AP4S1: variants seen among roughly 807,000 people sequenced by gnomAD.
The protein encoded by AP4S1 is adaptor related protein complex 4 subunit sigma 1, also known as AP-4 complex subunit sigma-1.
In AP4S1, 23 loss-of-function variants were observed where a neutral mutation model predicts 19.8. The ratio of observed to expected loss-of-function variants is 1.16; its 90% CI spans 0.84 to 1.65. The LOEUF (loss-of-function observed/expected upper bound fraction) is 1.65, where lower values mean the gene tolerates loss of function less well. AP4S1 is among the 40% of genes most tolerant of loss of function. The pLI is 0.00. For missense variants in AP4S1, 166 were observed against 172.8 expected, an observed-to-expected ratio of 0.96 and a Z score of 0.22; for synonymous variants, 46 against 54.1, an observed-to-expected ratio of 0.85 and a Z score of 0.66.
At chr14:31,032,626 C>T (rs890573077) in intron 1 of AP4S1, among the ~76,000 whole-genome samples, 1 of 151,394 alleles carries the variant, frequency 6.6e-6, no homozygotes, top group African/African-American at 2.4e-5. Context: ...TGGGTTCAAG[C>T]GATTCTCCTG....
chr14:31,066,954 G>A (rs994914694), intron 2 of AP4S1, among the ~76,000 whole-genome samples: 2 of 152,180 alleles, frequency 1.3e-5, no homozygotes, highest in African/African-American at 2.4e-5. Flanking sequence ...GGAGGTTAAG[G>A]CTGGGTGCAA....
rs1200207623 is a variant in AP4S1 at position 31,058,123 on chromosome 14, G to T, written c.-71-8003G>T. Reference sequence around the variant, plus strand: ...GTTTGTTTTTTGTTGTAGAGGCATGGTCTCCTATATTGCCTAAGCTGGTCT... The same window carrying T: ...GTTTGTTTTTTGTTGTAGAGGCATGTTCTCCTATATTGCCTAAGCTGGTCT... On this transcript the variant is annotated intron_variant, in intron 1 of 5. Coordinates refer to ENST00000542754, the MANE Select transcript of AP4S1 (RefSeq NM_001128126.3). Among the ~76,000 whole-genome samples, 4 of 151,910 alleles carry T rather than the reference G, an allele frequency of 2.6e-5. No individual in the cohort carries two copies. The East Asian group carries it at 7.8e-4, about 29-fold the overall frequency.
intron 5 of AP4S1, among the ~76,000 whole-genome samples, chr14:31,080,955 C>G (rs1357016993): frequency 2.6e-5 from 4 of 152,188 alleles, no homozygotes; most frequent in African/African-American, 7.2e-5. Context: ...CCACGCCCAG[C>G]TAATGTTTGT....
rs559912539 is a variant in AP4S1, at chr14:31,036,628, C to T, written c.-72+10841C>T. Among the ~76,000 whole-genome samples, 7 of 152,284 alleles carry T rather than the reference C, an allele frequency of 4.6e-5. No individual in the cohort carries two copies. The South Asian group carries it at 1.5e-3, about 32-fold the overall frequency. The stretch of plus-strand genomic sequence containing the variant: ...AGGGCCTGTCCTGCAAAGGAAATTC[C>T]ACCAGGTGTTTCTGGGAGCTTTAGG... On this transcript the variant is annotated intron_variant, in intron 1 of 5. Coordinates refer to ENST00000542754, the MANE Select transcript of AP4S1 (RefSeq NM_001128126.3).
intron 4 of AP4S1, among the ~76,000 whole-genome samples, chr14:31,078,127 C>T (rs1486204095): frequency 3.3e-5 from 5 of 152,114 alleles, no homozygotes; most frequent in Non-Finnish European, 5.9e-5. Flanking sequence ...GGGGTTGGTG[C>T]GTTCCAAAGC....
At chr14:31,043,315 C>A (rs1044375968) in intron 1 of AP4S1, among the ~76,000 whole-genome samples, 4 of 151,692 alleles carry the variant, frequency 2.6e-5, no homozygotes, top group Non-Finnish European at 5.9e-5. Context: ...TGACTCAAGA[C>A]TTTAACAGAA....
intron 5 of AP4S1, chr14:31,085,276 A>C: frequency 9.9e-7 from 1 of 1,014,260 alleles, no homozygotes; most frequent in South Asian, 4.2e-5. Flanking sequence ...GGCCTCTGCA[A>C]GCCTCTCCTC....
chr14:31,048,842 G>A (rs879909159), intron 1 of AP4S1, among the ~76,000 whole-genome samples: 8 of 152,172 alleles, frequency 5.3e-5, no homozygotes, highest in Non-Finnish European at 1.0e-4. Context: ...GACACCCTGT[G>A]GTTTTGAGGG....
chr14:31,051,300 A>T (rs564241667), intron 1 of AP4S1, among the ~76,000 whole-genome samples: 1 of 151,548 alleles, frequency 6.6e-6, no homozygotes, highest in East Asian at 2.0e-4. Flanking sequence ...GACAAAGGGG[A>T]TATTCACATC....
chr14:31,047,241 C>A (rs751106933), intron 1 of AP4S1, among the ~76,000 whole-genome samples: 1 of 151,804 alleles, frequency 6.6e-6, no homozygotes, highest in Non-Finnish European at 1.5e-5. Context: ...AAATCCAAGT[C>A]CTTCATCAGA....
In AP4S1 at chr14:31,095,805, C is replaced by T. The variant is rs1171133158; in HGVS notation, c.*2770C>T. ...TCAAAGTTTAAAAGTAGAATGCAGCCAGGCATGGTGGCTTACGCCTATAAT... is the reference window on the plus strand; with the variant it reads ...TCAAAGTTTAAAAGTAGAATGCAGCTAGGCATGGTGGCTTACGCCTATAAT... On this transcript the variant is annotated 3_prime_UTR_variant, in exon 6 of 6. Transcript: ENST00000542754. 1 of 152,162 alleles carries T rather than the reference C, an allele frequency of 6.6e-6. No individual in the cohort carries two copies. The highest frequency in any genetic ancestry group is 1.5e-5 in the Non-Finnish European group (1 of 68,038). The allele number at this position is 152,162 out of a possible 1,614,324, so 9.4% of individuals were successfully genotyped here. A position where few individuals can be genotyped will look rare whatever the true frequency, so the allele number is the denominator to read the frequency against.
intron 1 of AP4S1, among the ~76,000 whole-genome samples, chr14:31,058,696 T>C (rs1200468173): frequency 1.3e-5 from 2 of 151,422 alleles, no homozygotes. Flanking sequence ...GCTTCCTAAG[T>C]AGCTGGGACT....
At chr14:31,039,002 T>TA (rs1445931079) in intron 1 of AP4S1, among the ~76,000 whole-genome samples, 3 of 151,874 alleles carry the variant, frequency 2.0e-5, no homozygotes, top group African/African-American at 7.2e-5. Flanking sequence ...GTTTTTTTTT[T>TA]TTTTATTGTT....
chr14:31,057,501 T>G (rs957017012), intron 1 of AP4S1, among the ~76,000 whole-genome samples: 3 of 152,260 alleles, frequency 2.0e-5, no homozygotes, highest in African/African-American at 7.2e-5. Context: ...CAATTCAATG[T>G]GTACTTCGTT....
chr14:31,055,231 G>T (rs1886042053), intron 1 of AP4S1, among the ~76,000 whole-genome samples: 1 of 151,776 alleles, frequency 6.6e-6, no homozygotes, highest in Non-Finnish European at 1.5e-5. Flanking sequence ...TGCTTTTCTG[G>T]TAGGAGATCT....
intron 5 of AP4S1, among the ~76,000 whole-genome samples, chr14:31,089,158 T>C (rs1888006435): frequency 7.2e-6 from 1 of 139,162 alleles, no homozygotes; most frequent in Admixed American, 7.4e-5. Flanking sequence ...AGACTTTGTC[T>C]TAACCAAAAA....
intron 1 of AP4S1, among the ~76,000 whole-genome samples, chr14:31,048,452 C>G (rs1051067322): frequency 4.6e-5 from 7 of 151,994 alleles, no homozygotes; most frequent in Admixed American, 2.6e-4. Flanking sequence ...GCCAGGACCA[C>G]GCACAGTGAC....
chr14:31,025,869 G>A, intron 1 of AP4S1, 82 bp downstream of exon 1: 3 of 1,581,600 alleles, frequency 1.9e-6, no homozygotes, highest in South Asian at 1.1e-5. Context: ...GAACCCAGCC[G>A]CCGCAGCTCC....
intron 4 of AP4S1, among the ~76,000 whole-genome samples, chr14:31,073,746 G>T (rs2139073706): frequency 6.6e-6 from 1 of 151,286 alleles, no homozygotes; most frequent in African/African-American, 2.4e-5. Flanking sequence ...CTCCATGTTG[G>T]TCAGGCAGGT....
Sources: allele counts gnomAD v4.1 joint callset (sites outside exome capture counted in the v4.1 genomes callset), GRCh38; gene constraint gnomAD v4.1.1; transcripts MANE v1.5; gene names NCBI Gene and HGNC (gene_info 2026-07-23, HGNC 2026-07-21).